The following SLIT2 variants were observed in gnomAD, a reference collection of about 807,000 sequenced individuals.
SLIT2 encodes slit guidance ligand 2.
In SLIT2, 41 loss-of-function variants were observed where a neutral mutation model predicts 185.7. That is an observed-to-expected ratio of 0.22 (90% CI 0.17 to 0.29). The LOEUF is 0.29. SLIT2 is among the 10% of genes least tolerant of loss of function. The pLI is 1.00. For synonymous variants in SLIT2, 693 were observed against 680.2 expected (o/e 1.02, Z -0.29); for missense variants, 1,571 against 1,909.0 (o/e 0.82, Z 3.30).
At chr4:20,550,738 G>A (rs543473065) in intron 24 of SLIT2, 89 bp from the exon 25 acceptor site, 1 of 737,398 alleles carries the variant, frequency 1.4e-6, no homozygotes, top group Non-Finnish European at 2.3e-6. Flanking sequence ...CATTTAAAAT[G>A]CTTATTATAA....
In SLIT2 at chr4:20,366,728, C is replaced by T. The variant is rs28490206; in HGVS notation, c.395+97847C>T. 4.6e-3 allele frequency among the ~76,000 whole-genome samples: 699 copies of T among 152,106 alleles called. 9 individuals are homozygous for T. The highest frequency in any genetic ancestry group is 0.016 in the African/African-American group (673 of 41,518). On this transcript the variant is annotated intron_variant, in intron 4 of 36. Transcript: ENST00000504154. The stretch of plus-strand genomic sequence containing the variant: ...TTGACCTATAAGCAAAAGAAGAAAA[C>T]GGCAGTTTTAGTGTTTTATGAGCTG...
intron 4 of SLIT2, among the ~76,000 whole-genome samples, chr4:20,456,231 C>T (rs1713054251): frequency 6.6e-6 from 1 of 152,032 alleles, no homozygotes; most frequent in Admixed American, 6.6e-5. Context: ...ACTTCTTAGT[C>T]CTCTAGTCAG....
chr4:20,490,849 T>A, intron 8 of SLIT2: 1 of 1,487,788 alleles, frequency 6.7e-7, no homozygotes, highest in Non-Finnish European at 9.1e-7. Context: ...CCGAGGATAT[T>A]TTTGTAGTTT....
intron 4 of SLIT2, among the ~76,000 whole-genome samples, chr4:20,410,243 CTTTTTTTTTT>C (rs1160985126): frequency 2.9e-5 from 2 of 69,050 alleles, no homozygotes; most frequent in African/African-American, 5.8e-5. Context: ...TCTTTCTTTT[CTTTTTTTTTT>C]TTTTTTTTTT....
intron 24 of SLIT2, among the ~76,000 whole-genome samples, 190 bp downstream of exon 24, chr4:20,549,318 T>C (rs1723529842): frequency 6.6e-6 from 1 of 152,172 alleles, no homozygotes; most frequent in South Asian, 2.1e-4. Flanking sequence ...CTTTGGACAA[T>C]ATAACTTCCT....
At chr4:20,376,399 A>G (rs1251798715) in intron 4 of SLIT2, among the ~76,000 whole-genome samples, 1 of 152,026 alleles carries the variant, frequency 6.6e-6, no homozygotes, top group Non-Finnish European at 1.5e-5. Flanking sequence ...CTACCATTCT[A>G]TATTTTTTAA....
chr4:20,304,639 G>A (rs556468142), intron 4 of SLIT2, among the ~76,000 whole-genome samples: 22 of 152,268 alleles, frequency 1.4e-4, no homozygotes, highest in Non-Finnish European at 2.6e-4. Flanking sequence ...CTGCCTTGCT[G>A]TTAGGAAGCC....
chr4:20,399,319 A>C (rs186120551), intron 4 of SLIT2, among the ~76,000 whole-genome samples: 1 of 151,764 alleles, frequency 6.6e-6, no homozygotes, highest in Non-Finnish European at 1.5e-5. Context: ...ATTACAATAA[A>C]AGTGCCTATA....
intron 29 of SLIT2, among the ~76,000 whole-genome samples, chr4:20,587,366 G>C (rs1285343498): frequency 2.6e-5 from 4 of 152,080 alleles, no homozygotes; most frequent in Admixed American, 2.6e-4. Flanking sequence ...CTAAGGTCAG[G>C]TGTATAGCTA....
At chr4:20,425,887 G>T (rs543209192) in intron 4 of SLIT2, among the ~76,000 whole-genome samples, 82 of 152,232 alleles carry the variant, frequency 5.4e-4, no homozygotes, top group Middle Eastern at 3.4e-3. Context: ...CCCTTTCTCT[G>T]CCTGCCTCTC....
chr4:20,576,730 C>CA (rs891032298), intron 29 of SLIT2, among the ~76,000 whole-genome samples: 13 of 151,784 alleles, frequency 8.6e-5, no homozygotes, highest in African/African-American at 1.2e-4. Context: ...ACTTTAATCT[C>CA]AAAAAAAAGT....
intron 4 of SLIT2, among the ~76,000 whole-genome samples, chr4:20,383,999 C>G (rs575644811): frequency 2.0e-5 from 3 of 152,130 alleles, no homozygotes; most frequent in African/African-American, 7.2e-5. Flanking sequence ...ATCCATCACA[C>G]CCAGCCAGTG....
In SLIT2 at chr4:20,532,029, C is replaced by G. The variant is rs777036866; in HGVS notation, c.1659C>G (p.Ile553Met). 2.5e-6 allele frequency: 4 copies of G among 1,574,010 alleles called. No homozygotes were observed. The highest frequency in any genetic ancestry group is 2.0e-5 in the Admixed American group (1 of 49,246). The change falls in exon 17 of 37, where the codon ATC (isoleucine) becomes ATG (methionine). Residue 553 changes from isoleucine to methionine, a missense_variant. Around this residue, in one of 3 missense-constraint regions of SLIT2, gnomAD observed 1,202 missense variants for 1,416.4 expected, o/e 0.85. Transcript: ENST00000504154. ...TTACCGTGTTGGAAGCCACAGGAAT[C>G]TTTAAGAAACTTCCTCAATTACGTA... ...NEFTVLEATGIFKKLPQLRKI... is the reference protein window; with the variant it reads ...NEFTVLEATGMFKKLPQLRKI...
At chr4:20,596,153 T>A (rs1030524330) in intron 31 of SLIT2, among the ~76,000 whole-genome samples, 2 of 152,158 alleles carry the variant, frequency 1.3e-5, no homozygotes, top group Middle Eastern at 3.2e-3. Context: ...GAATGAGGGT[T>A]ACCAAAGAGG....
At chr4:20,329,544 T>C (rs778451035) in intron 4 of SLIT2, among the ~76,000 whole-genome samples, 1 of 152,030 alleles carries the variant, frequency 6.6e-6, no homozygotes, top group Non-Finnish European at 1.5e-5. Context: ...TGTGTAAGGA[T>C]TGACAGATGA....
rs565805043 is a variant in SLIT2, at chr4:20,412,905, A to G, written c.396-54847A>G. 6.4e-3 allele frequency among the ~76,000 whole-genome samples: 974 copies of G among 152,212 alleles called. 9 individuals carry two copies. Among genetic ancestry groups the G allele is most frequent in the African/African-American group, 0.022 (920 of 41,572 alleles). On this transcript the variant is annotated intron_variant, in intron 4 of 36. Transcript: ENST00000504154. ...CATGAATGTAAGGGCTTATTTCTGT[A>G]CTATCACTTTCTTCTTCTTTTTCAA...
intron 4 of SLIT2, among the ~76,000 whole-genome samples, chr4:20,329,533 T>G (rs1412851377): frequency 6.6e-6 from 1 of 152,004 alleles, no homozygotes; most frequent in East Asian, 1.9e-4. Context: ...AAGGTAGCAT[T>G]TGTGTAAGGA....
intron 26 of SLIT2, among the ~76,000 whole-genome samples, chr4:20,563,143 C>T (rs1035144267): frequency 6.6e-6 from 1 of 151,714 alleles, no homozygotes; most frequent in Non-Finnish European, 1.5e-5. Context: ...ACTTTCTTCT[C>T]ATTTTCTCTT....
intron 4 of SLIT2, among the ~76,000 whole-genome samples, chr4:20,441,512 C>G (rs563153474): frequency 1.3e-4 from 17 of 131,070 alleles, no homozygotes; most frequent in South Asian, 7.1e-4. Context: ...CGCCCCCCCC[C>G]ACTTCTGTCT....
Sources: allele counts gnomAD v4.1 joint callset (sites outside exome capture counted in the v4.1 genomes callset), GRCh38; gene constraint gnomAD v4.1.1; regional missense constraint gnomAD v4.1.1; transcripts MANE v1.5; gene names NCBI Gene and HGNC (gene_info 2026-07-23, HGNC 2026-07-21).